The following ADAM2 variants were observed in gnomAD, a reference collection of about 807,000 sequenced individuals.
ADAM2 encodes disintegrin and metalloproteinase domain-containing protein 2.
ADAM2 carries 101 observed loss-of-function variants against 99.3 expected under a neutral mutation model. The ratio of observed to expected loss-of-function variants is 1.02; its 90% CI spans 0.87 to 1.20. The LOEUF (loss-of-function observed/expected upper bound fraction) is 1.20. Ranked by LOEUF, ADAM2 falls within the 50% of genes most tolerant of loss-of-function variation. The pLI is 0.00. For missense variants in ADAM2, 948 were observed against 878.7 expected, an observed-to-expected ratio of 1.08 and a Z score of -1.00; for synonymous variants, 323 against 287.6, an observed-to-expected ratio of 1.12 and a Z score of -1.25.
intron 16 of ADAM2, among the ~76,000 whole-genome samples, chr8:39,752,022 G>C (rs1801969204): frequency 6.6e-6 from 1 of 151,986 alleles, no homozygotes; most frequent in Non-Finnish European, 1.5e-5. Flanking sequence ...CAGTAGAGAC[G>C]GGGCTTCACC....
chr8:39,761,785 A>T (rs1309230956), intron 14 of ADAM2, among the ~76,000 whole-genome samples: 1 of 152,144 alleles, frequency 6.6e-6, no homozygotes, highest in Non-Finnish European at 1.5e-5. Flanking sequence ...AATTCTCATA[A>T]GATCCAACCT....
intron 10 of ADAM2, among the ~76,000 whole-genome samples, chr8:39,783,493 C>T (rs1226211319): frequency 6.6e-6 from 1 of 152,034 alleles, no homozygotes; most frequent in East Asian, 1.9e-4. Context: ...AAATATTCCT[C>T]ATTATTTCTT....
intron 18 of ADAM2, 56 bp from the exon 19 acceptor site, chr8:39,746,687 T>C: frequency 1.5e-6 from 2 of 1,357,390 alleles, no homozygotes; most frequent in Admixed American, 2.5e-5. Flanking sequence ...ATAGTAAAGA[T>C]ATTTCTGTAT....
At chr8:39,782,713 G>A (rs1803285672) in intron 10 of ADAM2, among the ~76,000 whole-genome samples, 1 of 152,108 alleles carries the variant, frequency 6.6e-6, no homozygotes, top group South Asian at 2.1e-4. Context: ...TGGTGATCAT[G>A]TCCCTTTATT....
rs767203463 is a variant in ADAM2 at position 39,761,181 on chromosome 8, T to G, written c.1608A>C (p.Glu536Asp). Residue 536 changes from glutamate to aspartate, a missense_variant, in exon 15 of 21, where the codon GAA (glutamate) becomes GAC (aspartate). By Grantham distance (45) the Glu-to-Asp change is conservative. Transcript: ENST00000265708. ...GISDSGYTQCEADNLQCGKLI... is the reference protein window; with the variant it reads ...GISDSGYTQCDADNLQCGKLI... ...ACAGATTTCTGAAAACATACTCAGC[T>G]TCACACTGTGTGTATCCTGAATCAC... 4.5e-6 allele frequency: 7 copies of G among 1,566,898 alleles called. No homozygotes were observed. The African/African-American group carries it at 9.5e-5, about 21-fold the overall frequency.
chr8:39,837,310 G>T (rs1016142707), intron 1 of ADAM2, 98 bp from the exon 2 acceptor site: 7 of 674,212 alleles, frequency 1.0e-5, no homozygotes, highest in East Asian at 6.0e-5. Context: ...TATTCTATAC[G>T]CTGCTTCTCA....
At chr8:39,765,054 TAA>T (rs1563342501) in intron 14 of ADAM2, among the ~76,000 whole-genome samples, 5 of 151,192 alleles carry the variant, frequency 3.3e-5, no homozygotes, top group Admixed American at 6.6e-5. Context: ...AATAAATAAA[TAA>T]ATAAATAAAT....
At chr8:39,818,826 A>G (rs1314678604) in intron 6 of ADAM2, among the ~76,000 whole-genome samples, 8 of 152,038 alleles carry the variant, frequency 5.3e-5, no homozygotes, top group Non-Finnish European at 1.0e-4. Flanking sequence ...TAACACTTCT[A>G]TAAATAACAA....
chr8:39,781,739 G>A (rs1803238104), intron 10 of ADAM2, among the ~76,000 whole-genome samples: 1 of 152,108 alleles, frequency 6.6e-6, no homozygotes, highest in Admixed American at 6.5e-5. Flanking sequence ...TTTTAAAATG[G>A]AAATGCAGAG....
chr8:39,744,708 G>A (rs111292703), intron 20 of ADAM2, 122 bp downstream of exon 20: 50,053 of 564,164 alleles, frequency 0.089, 2,757 homozygotes, highest in Non-Finnish European at 0.11. Flanking sequence ...CCTAGATGAC[G>A]GGTTGATAGG....
intron 5 of ADAM2, 87 bp from the exon 6 acceptor site, chr8:39,821,257 T>C (rs1805176775): frequency 1.1e-6 from 1 of 930,732 alleles, no homozygotes; most frequent in South Asian, 1.9e-5. Flanking sequence ...TTTTTCATGG[T>C]ATGCAGATTA....
chr8:39,744,099 C>T (rs1199740615), intron 20 of ADAM2, 35 bp from the exon 21 acceptor site: 1 of 151,804 alleles, frequency 6.6e-6, no homozygotes, highest in Non-Finnish European at 1.5e-5. Flanking sequence ...CCGTTATCAA[C>T]AAGTTGAAAT....
chr8:39,791,589 G>T (rs1316575193), intron 7 of ADAM2, among the ~76,000 whole-genome samples: 1 of 151,976 alleles, frequency 6.6e-6, no homozygotes, highest in Non-Finnish European at 1.5e-5. Flanking sequence ...CCCAGAATTT[G>T]TCAGTAAGTT....
chr8:39,756,021 T>C, intron 15 of ADAM2, 110 bp from the exon 16 acceptor site: 1 of 576,760 alleles, frequency 1.7e-6, no homozygotes, highest in East Asian at 3.3e-5. Context: ...TGCAAGCTAA[T>C]ACATGCAATT....
chr8:39,817,841 C>T (rs563676744), intron 6 of ADAM2: 1 of 151,718 alleles, frequency 6.6e-6, no homozygotes, highest in South Asian at 2.1e-4. Flanking sequence ...AACAATATGA[C>T]AAGAAATAAA....
intron 16 of ADAM2, among the ~76,000 whole-genome samples, chr8:39,751,054 T>C (rs995593271): frequency 6.6e-6 from 1 of 152,172 alleles, no homozygotes; most frequent in Admixed American, 6.5e-5. Flanking sequence ...GTTCACATAG[T>C]TTTTGCCCAA....
At chr8:39,796,681 C>G (rs1479465492) in intron 7 of ADAM2, among the ~76,000 whole-genome samples, 2 of 152,190 alleles carry the variant, frequency 1.3e-5, no homozygotes. Flanking sequence ...GTTCCTATCT[C>G]TCCACAGCGT....
At chr8:39,773,609 T>A (rs1421174775) in intron 11 of ADAM2, among the ~76,000 whole-genome samples, 1 of 151,662 alleles carries the variant, frequency 6.6e-6, no homozygotes, top group Non-Finnish European at 1.5e-5. Context: ...GGAAAATAAA[T>A]GAAAGCTATA....
intron 5 of ADAM2, 136 bp downstream of exon 5, chr8:39,821,450 T>C (rs1248433322): frequency 3.0e-6 from 2 of 672,600 alleles, no homozygotes; most frequent in Non-Finnish European, 2.5e-6. Flanking sequence ...AGTATTTCCA[T>C]ACCATGCTTT....
Sources: gnomAD v4.1 joint callset for allele counts (sites outside exome capture counted in the v4.1 genomes callset) on GRCh38, gnomAD v4.1.1 for gene constraint, MANE v1.5 for transcripts, NCBI Gene and HGNC (gene_info 2026-07-23, HGNC 2026-07-21) for gene names.